CSE1L: variants seen among roughly 807,000 people sequenced by gnomAD.
CSE1L encodes the protein exportin-2.
A neutral mutation model predicts 120.4 loss-of-function variants in CSE1L; 24 were observed. The ratio of observed to expected loss-of-function variants is 0.20; its 90% confidence interval spans 0.14 to 0.28. The LOEUF (loss-of-function observed/expected upper bound fraction) is 0.28, where lower values mean the gene tolerates loss of function less well. Ranked by LOEUF, CSE1L falls within the 10% of genes least tolerant of loss-of-function variation. The pLI, the probability that CSE1L is intolerant of heterozygous loss-of-function variation, is 1.00. For missense variants in CSE1L, 830 were observed against 1,145.2 expected (o/e 0.72, Z 3.97); for synonymous variants, 402 against 398.3 (o/e 1.01, Z -0.11).
chr20:49,081,910 T>A (rs2092015638), intron 14 of CSE1L, among the ~76,000 whole-genome samples: 1 of 152,206 alleles, frequency 6.6e-6, no homozygotes, highest in Non-Finnish European at 1.5e-5. Flanking sequence ...CCAGGCCATA[T>A]TTATGTATAC....
chr20:49,074,269 G>A (rs1229518957), intron 10 of CSE1L, among the ~76,000 whole-genome samples: 3 of 140,222 alleles, frequency 2.1e-5, no homozygotes, highest in Admixed American at 7.5e-5. Flanking sequence ...ATGAGATCTC[G>A]CTGTGTTGAC....
At chr20:49,087,199 T>G (rs956971409) in intron 16 of CSE1L, among the ~76,000 whole-genome samples, 1 of 152,154 alleles carries the variant, frequency 6.6e-6, no homozygotes, top group Non-Finnish European at 1.5e-5. Flanking sequence ...CTCTGTGGCT[T>G]TACATGTATT....
chr20:49,078,931 A>G (rs569052732), intron 14 of CSE1L, among the ~76,000 whole-genome samples: 9 of 152,272 alleles, frequency 5.9e-5, no homozygotes, highest in Admixed American at 2.0e-4. Flanking sequence ...TCATTCTGTC[A>G]CCCAAGCTGG....
At position 49,058,545 on chromosome 20, in the gene CSE1L, C is replaced by G; in HGVS notation, c.82C>G (p.Pro28Ala). 6.2e-7 allele frequency: 1 copy of G among 1,612,752 alleles called. No individual in the cohort carries two copies. The highest frequency in any genetic ancestry group is 2.2e-5 in the East Asian group (1 of 44,850). ...TLDPDPAIRR[P>A]AEKFLESVEG... is the part of the protein sequence containing the mutation. ...TGATCCTGATCCTGCCATCCGACGT[C>G]CAGGTAAAGAAAATAAACGTTTTTT... Residue 28 changes from proline to alanine, a missense_variant, in exon 2 of 25, where the codon CCA becomes GCA. Around this residue, in one of 4 missense-constraint regions of CSE1L, gnomAD observed 543 missense variants for 640.2 expected, o/e 0.85. Coordinates refer to ENST00000262982, the MANE Select transcript of CSE1L (RefSeq NM_001316.4).
At position 49,078,700 on chromosome 20, in the gene CSE1L, G is replaced by T. The variant is rs1032913500; in HGVS notation, c.1482+78G>T. The T allele has an allele frequency of 4.4e-6, 4 of 909,856 alleles. No homozygotes were observed. In the African/African-American group the frequency reaches 7.0e-5, roughly 16 times the overall value. 56.4% of individuals were successfully genotyped at this position (909,856 alleles called of 1,614,324 possible). ...TATGTACCACCTTCTCATCTACTGT[G>T]CAGTCATTTTATATCCACATCTAAC... On this transcript the variant is annotated intron_variant, in intron 14 of 24. Transcript: ENST00000262982.
rs980329462 is a variant in CSE1L, at chr20:49,080,697, A to G, written c.1482+2075A>G. On this transcript the variant is annotated intron_variant, in intron 14 of 24. Coordinates refer to ENST00000262982, the MANE Select transcript of CSE1L (RefSeq NM_001316.4). ...CTCCATGTTGGTCAGGCTGGTCTCG[A>G]ACCCCCTACCTCAGGCGATCCGCCT... Among the ~76,000 whole-genome samples, 34 of 152,122 alleles carry G rather than the reference A, an allele frequency of 2.2e-4. 1 individual carries two copies. Among genetic ancestry groups the G allele is most frequent in the African/African-American group, 7.5e-4 (31 of 41,412 alleles).
rs142372479 is a variant in CSE1L at position 49,088,203 on chromosome 20, G to C, written c.1821+97G>C. 3.1e-4 allele frequency: 251 copies of C among 813,366 alleles called. 3 individuals carry two copies. In the East Asian group the frequency reaches 6.7e-3, roughly 22 times the overall value. The allele number at this position is 813,366 out of a possible 1,614,324, so 50.4% of individuals were successfully genotyped here. A position where few individuals can be genotyped will look rare whatever the true frequency, so the allele number is the denominator to read the frequency against. Reference sequence around the variant, plus strand: ...TGGCATTACGTGAAGCTTTAGAGAAGGTCTGTGAATTCTTCCTGACCAGCC... The same window carrying C: ...TGGCATTACGTGAAGCTTTAGAGAACGTCTGTGAATTCTTCCTGACCAGCC... On this transcript the variant is annotated intron_variant, in intron 17 of 24. Transcript: ENST00000262982.
At chr20:49,094,042 A>T in intron 22 of CSE1L, 98 bp from the exon 23 acceptor site, 1 of 768,176 alleles carries the variant, frequency 1.3e-6, no homozygotes, top group Non-Finnish European at 2.0e-6. Context: ...GTTATTTAGT[A>T]ATTTATCATA....
intron 12 of CSE1L, among the ~76,000 whole-genome samples, chr20:49,076,668 T>G (rs1312600958): frequency 6.6e-6 from 1 of 151,834 alleles, no homozygotes; most frequent in Non-Finnish European, 1.5e-5. Flanking sequence ...TAGCTAGAAT[T>G]ACAGGTGCAT....
intron 11 of CSE1L, 37 bp downstream of exon 11, chr20:49,074,887 C>T (rs781176646): frequency 8.5e-6 from 13 of 1,529,438 alleles, no homozygotes; most frequent in Non-Finnish European, 1.2e-5. Context: ...AGTCTCTTAG[C>T]AAGCCAGTTT....
intron 1 of CSE1L, among the ~76,000 whole-genome samples, chr20:49,052,294 C>T (rs2091772663): frequency 6.6e-6 from 1 of 152,194 alleles, no homozygotes; most frequent in Non-Finnish European, 1.5e-5. Flanking sequence ...AGTCCCTGCC[C>T]TCAGGAGCTT....
chr20:49,085,229 G>A (rs1469989661), intron 15 of CSE1L, 54 bp from the exon 16 acceptor site: 6 of 1,351,994 alleles, frequency 4.4e-6, no homozygotes, highest in Non-Finnish European at 6.4e-6. Flanking sequence ...AGGGTAATCT[G>A]CAGTGACAAG....
intron 17 of CSE1L, among the ~76,000 whole-genome samples, chr20:49,088,625 G>A (rs913855171): frequency 6.6e-6 from 1 of 152,106 alleles, no homozygotes; most frequent in African/African-American, 2.4e-5. Flanking sequence ...TGCTATTCTT[G>A]ATCTTATGAG....
chr20:49,067,097 T>G (rs1482416040), intron 5 of CSE1L, 93 bp from the exon 6 acceptor site: 1 of 588,924 alleles, frequency 1.7e-6, no homozygotes, highest in South Asian at 2.4e-5. Context: ...ACCCATCTAT[T>G]CATAGATGTC....
intron 16 of CSE1L, 72 bp from the exon 17 acceptor site, chr20:49,087,937 T>A: frequency 1.0e-6 from 1 of 1,001,378 alleles, no homozygotes; most frequent in Non-Finnish European, 1.5e-6. Context: ...TGCGCTTTTT[T>A]CCCCCCAGTC....
Position 49,096,518 on chromosome 20 carries a change from A to C in CSE1L, c.*80A>C. Reference sequence around the variant, plus strand: ...TCTGAGCACAGCTGCATTAAAACAAAGGAAGTTCTCCTTTTGAACTTGTCA... The same window carrying C: ...TCTGAGCACAGCTGCATTAAAACAACGGAAGTTCTCCTTTTGAACTTGTCA... On this transcript the variant is annotated 3_prime_UTR_variant, in exon 25 of 25. Coordinates refer to ENST00000262982, the MANE Select transcript of CSE1L (RefSeq NM_001316.4). 2 of 1,091,528 alleles carry C rather than the reference A, an allele frequency of 1.8e-6. No individual in the cohort carries two copies. The highest frequency in any genetic ancestry group is 2.8e-6 in the Non-Finnish European group (2 of 715,056). The allele number at this position is 1,091,528 out of a possible 1,614,324, so 67.6% of individuals were successfully genotyped here. A position where few individuals can be genotyped will look rare whatever the true frequency, so the allele number is the denominator to read the frequency against.
intron 1 of CSE1L, among the ~76,000 whole-genome samples, chr20:49,056,462 A>G (rs1001636921): frequency 2.6e-5 from 4 of 152,134 alleles, no homozygotes; most frequent in African/African-American, 7.2e-5. Context: ...TTTTAAGTGA[A>G]CTGTTTGGGA....
intron 10 of CSE1L, among the ~76,000 whole-genome samples, chr20:49,073,033 CAG>C (rs537123842): frequency 8.2e-4 from 124 of 152,144 alleles, no homozygotes; most frequent in African/African-American, 2.8e-3. Context: ...TTATTTGAGA[CAG>C]GGGTCTCGCT....
chr20:49,074,244 A>G (rs1276409419), intron 10 of CSE1L, among the ~76,000 whole-genome samples: 1 of 125,486 alleles, frequency 8.0e-6, no homozygotes, highest in East Asian at 2.4e-4. Context: ...TTTAATTTAT[A>G]TGATAAAAAT....
Sources: gnomAD v4.1 joint callset for allele counts (sites outside exome capture counted in the v4.1 genomes callset) on GRCh38, gnomAD v4.1.1 for gene constraint, gnomAD v4.1.1 regional missense constraint, MANE v1.5 for transcripts, NCBI Gene and HGNC (gene_info 2026-07-23, HGNC 2026-07-21) for gene names.